The following CPLX2 variants were observed in gnomAD, a reference collection of about 807,000 sequenced individuals.
CPLX2 encodes the protein complexin-2.
A neutral mutation model predicts 16.3 loss-of-function variants in CPLX2; 5 were observed. That is an observed-to-expected ratio of 0.31 (90% CI 0.16 to 0.64). The LOEUF (loss-of-function observed/expected upper bound fraction) is 0.64. Ranked by LOEUF, CPLX2 falls within the 30% of genes least tolerant of loss-of-function variation. CPLX2 has a pLI of 0.79. For missense variants in CPLX2, 144 were observed against 181.4 expected, an observed-to-expected ratio of 0.79 and a Z score of 1.18; for synonymous variants, 89 against 73.2, an observed-to-expected ratio of 1.22 and a Z score of -1.10.
chr5:175,856,659 C>A (rs967694284), intron 2 of CPLX2, among the ~76,000 whole-genome samples: 1 of 152,128 alleles, frequency 6.6e-6, no homozygotes, highest in Non-Finnish European at 1.5e-5. Context: ...GAGGAGGGAG[C>A]GGGAGAGACT....
At chr5:175,836,286 C>G (rs1231587513) in intron 2 of CPLX2, among the ~76,000 whole-genome samples, 3 of 152,078 alleles carry the variant, frequency 2.0e-5, no homozygotes, top group Non-Finnish European at 4.4e-5. Flanking sequence ...GGAGGCGGAG[C>G]TTGCAGTGAG....
At chr5:175,837,811 G>A (rs543541028) in intron 2 of CPLX2, 17 of 152,284 alleles carry the variant, frequency 1.1e-4, no homozygotes, top group African/African-American at 3.4e-4. Flanking sequence ...GATGCTCCCT[G>A]TTGGTTGGGT....
chr5:175,800,041 G>T (rs1758065164), intron 1 of CPLX2, among the ~76,000 whole-genome samples: 1 of 152,088 alleles, frequency 6.6e-6, no homozygotes, highest in Admixed American at 6.5e-5. Context: ...CCTGAATTTG[G>T]CTGCACACCT....
At chr5:175,865,688 G>C (rs1759461889) in intron 2 of CPLX2, among the ~76,000 whole-genome samples, 1 of 152,206 alleles carries the variant, frequency 6.6e-6, no homozygotes, top group Non-Finnish European at 1.5e-5. Flanking sequence ...TTTTCTGTAA[G>C]ATGAGGGTCC....
intron 3 of CPLX2, 80 bp downstream of exon 3, chr5:175,879,163 C>T (rs1755502604): frequency 2.0e-5 from 28 of 1,388,206 alleles, no homozygotes; most frequent in Non-Finnish European, 2.6e-5. Context: ...TGCTGGGGCT[C>T]CCCTGGATCC....
intron 2 of CPLX2, among the ~76,000 whole-genome samples, chr5:175,835,124 A>G (rs190694364): frequency 1.3e-5 from 2 of 152,356 alleles, no homozygotes; most frequent in East Asian, 3.9e-4. Flanking sequence ...AATTTATCTT[A>G]AACAGATTGC....
At chr5:175,869,456 C>T (rs1469955844), upstream of CPLX2, among the ~76,000 whole-genome samples, 1 of 151,956 alleles carries the variant, frequency 6.6e-6, no homozygotes, top group Non-Finnish European at 1.5e-5. Context: ...CCAGTTCTTC[C>T]TCTCAGAGCT....
intron 2 of CPLX2, among the ~76,000 whole-genome samples, chr5:175,829,091 C>A (rs1040179955): frequency 1.3e-5 from 2 of 152,238 alleles, no homozygotes; most frequent in African/African-American, 4.8e-5. Flanking sequence ...CTCCCCACCA[C>A]GTCAGGTGAA....
chr5:175,826,071 G>C (rs969560533), intron 2 of CPLX2, among the ~76,000 whole-genome samples: 5 of 151,866 alleles, frequency 3.3e-5, no homozygotes, highest in Admixed American at 6.6e-5. Context: ...CACAGGGCTT[G>C]GTGCAGACAG....
rs1026003603 is a variant in CPLX2, at chr5:175,845,384, C to T, written c.-88-33268C>T. Among the ~76,000 whole-genome samples the T allele has an allele frequency of 6.6e-6, 1 of 152,216 alleles. No homozygotes were observed. Among genetic ancestry groups the T allele is most frequent in the Non-Finnish European group, 1.5e-5 (1 of 68,036 alleles). On this transcript the variant is annotated intron_variant, in intron 2 of 4. Transcript: ENST00000359546. This position sits in a 1 kb window ranked among gnomAD's most constrained non-coding sequence, Gnocchi z 4.0. Reference sequence around the variant, plus strand: ...CAACTCTGCCCCTGCTCCCACACTGCAGCCACATGGCCTTTGGTCTATTGC... The same window carrying T: ...CAACTCTGCCCCTGCTCCCACACTGTAGCCACATGGCCTTTGGTCTATTGC...
At chr5:175,797,521 C>CTCAG (rs1336298712) in intron 1 of CPLX2, among the ~76,000 whole-genome samples, 7 of 152,320 alleles carry the variant, frequency 4.6e-5, no homozygotes, top group Non-Finnish European at 8.8e-5. Flanking sequence ...CCCATCCCAG[C>CTCAG]TCAGAATCGC....
At chr5:175,833,287 G>C (rs1418397414) in intron 2 of CPLX2, among the ~76,000 whole-genome samples, 1 of 152,162 alleles carries the variant, frequency 6.6e-6, no homozygotes, top group Non-Finnish European at 1.5e-5. Context: ...CTTGTGATTA[G>C]GAATTGCCAC....
chr5:175,854,490 T>C (rs114955775), intron 2 of CPLX2, among the ~76,000 whole-genome samples: 79 of 152,304 alleles, frequency 5.2e-4, no homozygotes, highest in African/African-American at 1.8e-3. Context: ...GTCATAATGC[T>C]ACATGCAGTA....
chr5:175,858,826 G>A (rs1024643401), intron 2 of CPLX2, among the ~76,000 whole-genome samples: 10 of 152,212 alleles, frequency 6.6e-5, no homozygotes, highest in Non-Finnish European at 1.3e-4. Flanking sequence ...CAAGAAAGCT[G>A]AAGACCAAGG....
chr5:175,799,216 A>C (rs927936768), intron 1 of CPLX2, among the ~76,000 whole-genome samples: 1 of 152,196 alleles, frequency 6.6e-6, no homozygotes, highest in African/African-American at 2.4e-5. Context: ...TCTCTTTCAA[A>C]GTAATCTGAA....
upstream of CPLX2, among the ~76,000 whole-genome samples, chr5:175,869,700 A>G (rs1303431425): frequency 6.6e-6 from 1 of 152,150 alleles, no homozygotes; most frequent in African/African-American, 2.4e-5. Flanking sequence ...AAGATCCTCA[A>G]ATCCTTCAAC....
intron 2 of CPLX2, among the ~76,000 whole-genome samples, chr5:175,844,291 A>C (rs1282337583): frequency 6.6e-6 from 1 of 152,244 alleles, no homozygotes; most frequent in African/African-American, 2.4e-5. Flanking sequence ...GGAGGCACCC[A>C]GAAAGGCAAG....
At chr5:175,860,325 A>C (rs1232924005) in intron 2 of CPLX2, among the ~76,000 whole-genome samples, 1 of 151,808 alleles carries the variant, frequency 6.6e-6, no homozygotes, top group Non-Finnish European at 1.5e-5. Flanking sequence ...GCAGATGCTG[A>C]AGCAGAGGAT....
chr5:175,853,931 TG>T (rs1759203799), intron 2 of CPLX2, among the ~76,000 whole-genome samples: 1 of 152,134 alleles, frequency 6.6e-6, no homozygotes, highest in African/African-American at 2.4e-5. Context: ...CCCTGGCCCA[TG>T]GCACCCCATT....
Sources: allele counts gnomAD v4.1 joint callset (sites outside exome capture counted in the v4.1 genomes callset), GRCh38; gene constraint gnomAD v4.1.1; non-coding constraint Gnocchi (gnomAD v3.1); transcripts MANE v1.5; gene names NCBI Gene and HGNC (gene_info 2026-07-23, HGNC 2026-07-21).